Variants in ZNF280A observed in about 807,000 individuals in gnomAD.
ZNF280A encodes zinc finger protein 280A.
Under a neutral mutation model 35.9 loss-of-function variants are expected in ZNF280A, and 26 were observed. That is an observed-to-expected ratio of 0.72 (90% confidence interval 0.53 to 1.01). ZNF280A has a LOEUF of 1.01. ZNF280A is among the 50% of genes least tolerant of loss of function. The pLI is 0.00. For missense variants in ZNF280A, 654 were observed against 652.0 expected (o/e 1.00, Z -0.03); for synonymous variants, 231 against 232.9 (o/e 0.99, Z 0.07).
rs769984477 is a variant in ZNF280A, at chr22:22,515,296, T to A, written c.335A>T (p.Asp112Val). ...PVSLSEGRST[D>V]SPVTMKSSSE... is the part of the protein sequence containing the mutation. The stretch of plus-strand genomic sequence containing the variant: ...TGAAGACTTCATAGTGACAGGACTA[T>A]CTGTCGATCGCCCCTCAGACAGAGA... Residue 112 changes from aspartate to valine, a missense_variant, in exon 2 of 2, where the codon GAT (aspartate) becomes GTT (valine). Physicochemically the swap from Asp to Val is radical, Grantham distance 152. Coordinates refer to ENST00000302097, the MANE Select transcript of ZNF280A (RefSeq NM_080740.5). The A allele has an allele frequency of 6.2e-7, 1 of 1,613,782 alleles. No homozygotes were observed. The highest frequency in any genetic ancestry group is 1.3e-5 in the African/African-American group (1 of 74,874).
In ZNF280A at chr22:22,514,689, AT is replaced by A. The variant is rs1387605930; in HGVS notation, c.941del (p.Asn314IlefsTer3). The stretch of plus-strand genomic sequence containing the variant: ...CAAATTCCAAATGATGCTTCATGTG[AT>A]TCATAAACTTAATATTTTTTAGAAC... Reference protein sequence around the residue: ...VKVLKNIKFMNHMKHHLEFEK... With the variant: ...VKVLKNIKFMXHMKHHLEFEK... On this transcript the variant is annotated frameshift_variant, in exon 2 of 2. Coordinates refer to ENST00000302097, the MANE Select transcript of ZNF280A (RefSeq NM_080740.5). LOFTEE classifies it high-confidence loss of function. 2.5e-6 allele frequency: 4 copies of A among 1,613,938 alleles called. No homozygotes were observed. The South Asian group carries it at 4.4e-5, about 18-fold the overall frequency.
intron 1 of ZNF280A, among the ~76,000 whole-genome samples, chr22:22,516,075 G>T (rs28665438): frequency 6.6e-5 from 10 of 151,668 alleles, no homozygotes; most frequent in African/African-American, 2.4e-4. Context: ...TCTGCTCCTA[G>T]CCTGGGCAAC....
At position 22,514,383 on chromosome 22, in the gene ZNF280A, G is replaced by C. The variant is rs2062043858; in HGVS notation, c.1248C>G (p.Cys416Trp). The change falls in exon 2 of 2, where the codon TGC becomes TGG. Residue 416 changes from cysteine (C) to tryptophan (W), a missense_variant. Transcript: ENST00000302097. ...FADVETHFRT[C>W]HENTKNLLCL... is the part of the protein sequence containing the mutation. ...AAAGCAAATTCTTTGTGTTTTCATG[G>C]CACGTTCTAAAATGTGTTTCCACAT... The C allele has an allele frequency of 6.2e-7, 1 of 1,613,738 alleles. No homozygotes were observed. Among genetic ancestry groups the C allele is most frequent in the South Asian group, 1.1e-5 (1 of 91,068 alleles).
rs1468680683 is a variant in ZNF280A at position 22,515,397 on chromosome 22, G to C, written c.234C>G (p.His78Gln). ...PGSNSRRKKG[H>Q]FRQYPAHVSQ... ...ACACGTGAGCAGGATATTGACGGAA[G>C]TGGCCTTTCTTTCTTCTTGAATTTG... The change falls in exon 2 of 2, where the codon CAC becomes CAG. Residue 78 changes from histidine to glutamine, a missense_variant. Transcript: ENST00000302097. The C allele has an allele frequency of 1.2e-6, 2 of 1,613,862 alleles. No individual in the cohort carries two copies. The highest frequency in any genetic ancestry group is 1.7e-4 in the Middle Eastern group (1 of 6,052).
chr22:22,518,785 C>CAAAAAAAAAA (rs140976483), intron 1 of ZNF280A, among the ~76,000 whole-genome samples: 1 of 115,772 alleles, frequency 8.6e-6, no homozygotes. Flanking sequence ...GAGACTGTCT[C>CAAAAAAAAAA]AAAAAAAAAA....
At position 22,518,530 on chromosome 22, in the gene ZNF280A, T is replaced by A. The variant is rs1268670515; in HGVS notation, c.-72+1559A>T. Among the ~76,000 whole-genome samples the A allele has an allele frequency of 2.0e-5, 3 of 151,722 alleles. 1 individual carries two copies. The highest frequency in any genetic ancestry group is 7.3e-5 in the African/African-American group (3 of 41,350). On this transcript the variant is annotated intron_variant, in intron 1 of 1. Transcript: ENST00000302097. ...AGCGGGGCGCGGTGGCTCACGCCTG[T>A]AATCCCAGCACTTTTGGGAGGCCGA...
chr22:22,514,370 TTG>T lies in ZNF280A; in HGVS notation c.1259_1260del (p.Thr420LysfsTer58). The part of the protein sequence containing the change: ...ETHFRTCHEN[T>X]KNLLCLFCLK... Reference sequence around the variant, plus strand: ...AGACAAAACAGACAAAGCAAATTCTTTGTGTTTTCATGGCACGTTCTAAAATG... The same window carrying T: ...AGACAAAACAGACAAAGCAAATTCTTTGTTTTCATGGCACGTTCTAAAATG... On this transcript the variant is annotated frameshift_variant, in exon 2 of 2. Transcript: ENST00000302097. LOFTEE classifies it high-confidence loss of function. 6.2e-7 allele frequency: 1 copy of T among 1,613,912 alleles called. No individual in the cohort carries two copies. Among genetic ancestry groups the T allele is most frequent in the Non-Finnish European group, 8.5e-7 (1 of 1,179,982 alleles).
intron 1 of ZNF280A, among the ~76,000 whole-genome samples, chr22:22,519,389 C>T (rs867578439): frequency 6.6e-6 from 1 of 151,796 alleles, no homozygotes; most frequent in Admixed American, 6.6e-5. Flanking sequence ...GCCGAGATCG[C>T]ACCGTGGCAC....
rs760475447 is a variant in ZNF280A, at chr22:22,514,694, T to A, written c.937A>T (p.Met313Leu). 1 of 1,613,864 alleles carries A rather than the reference T, an allele frequency of 6.2e-7. No homozygotes were observed. Among genetic ancestry groups the A allele is most frequent in the African/African-American group, 1.3e-5 (1 of 74,890 alleles). The change falls in exon 2 of 2, where the codon ATG becomes TTG. Residue 313 changes from methionine to leucine, a missense_variant. Physicochemically the swap from Met to Leu is conservative, Grantham distance 15 (BLOSUM62 2). Coordinates refer to ENST00000302097, the MANE Select transcript of ZNF280A (RefSeq NM_080740.5). Reference protein sequence around the residue: ...CVKVLKNIKFMNHMKHHLEFE... With the variant: ...CVKVLKNIKFLNHMKHHLEFE... ...TCCAAATGATGCTTCATGTGATTCATAAACTTAATATTTTTTAGAACTTTC... is the reference window on the plus strand; with the variant it reads ...TCCAAATGATGCTTCATGTGATTCAAAAACTTAATATTTTTTAGAACTTTC...
chr22:22,517,155 C>T (rs1000873439), intron 1 of ZNF280A, among the ~76,000 whole-genome samples: 1 of 151,790 alleles, frequency 6.6e-6, no homozygotes, highest in Non-Finnish European at 1.5e-5. Context: ...ACCTGTAATC[C>T]CAACACTTTG....
In ZNF280A at chr22:22,514,791, G is replaced by A. The variant is rs142275400; in HGVS notation, c.840C>T (p.Tyr280=). The A allele has an allele frequency of 1.4e-4, 233 of 1,613,830 alleles. No homozygotes were observed. The highest frequency in any genetic ancestry group is 1.9e-4 in the Non-Finnish European group (228 of 1,179,998). The part of the protein sequence containing the change: ...ENPIVLLSDF[Y]YGQHKGDGQP... ...GCCCATCTCCTTTATGCTGTCCATA[G>A]TAAAAGTCGCTAAGTAACACGATGG... The change falls in exon 2 of 2, where the codon TAC becomes TAT. Residue 280 remains tyrosine, a synonymous_variant. Coordinates refer to ENST00000302097, the MANE Select transcript of ZNF280A (RefSeq NM_080740.5).
At position 22,519,353 on chromosome 22, in the gene ZNF280A, A is replaced by G. The variant is rs1367629247; in HGVS notation, c.-72+736T>C. Among the ~76,000 whole-genome samples the G allele has an allele frequency of 2.0e-5, 3 of 151,866 alleles. No homozygotes were observed. In the East Asian group the frequency reaches 5.9e-4, roughly 30 times the overall value. On this transcript the variant is annotated intron_variant, in intron 1 of 1. Transcript: ENST00000302097. ...GAGGCTGAGGCAGGAGAATCACTTGAACCCGGGAGGCGTGGGTTGCAGTGA... is the reference window on the plus strand; with the variant it reads ...GAGGCTGAGGCAGGAGAATCACTTGGACCCGGGAGGCGTGGGTTGCAGTGA...
chr22:22,518,448 T>A (rs2062099843), intron 1 of ZNF280A, among the ~76,000 whole-genome samples: 1 of 151,932 alleles, frequency 6.6e-6, no homozygotes, highest in African/African-American at 2.4e-5. Flanking sequence ...TTTTTTTTAT[T>A]AAGATTTTTT....
At position 22,515,537 on chromosome 22, in the gene ZNF280A, G is replaced by C. The variant is rs2062059824; in HGVS notation, c.94C>G (p.Leu32Val). 9 of 1,613,650 alleles carry C rather than the reference G, an allele frequency of 5.6e-6. No individual in the cohort carries two copies. The highest frequency in any genetic ancestry group is 5.1e-6 in the Non-Finnish European group (6 of 1,179,914). The change falls in exon 2 of 2, where the codon CTG (leucine) becomes GTG (valine). Residue 32 changes from leucine (L) to valine (V), a missense_variant. Leu to Val is a conservative substitution (Grantham distance 32). Transcript: ENST00000302097. ...ACATGCTCCACCCCAACATAGATCA[G>C]ATCTGGATCTTCATCATCCTCCTCC... ...QREEDDEDPDLIYVGVEHVHR... is the reference protein window; with the variant it reads ...QREEDDEDPDVIYVGVEHVHR...
Position 22,514,885 on chromosome 22 carries a change from G to A in ZNF280A, c.746C>T (p.Ala249Val). 6.2e-7 allele frequency: 1 copy of A among 1,613,064 alleles called. No homozygotes were observed. Among genetic ancestry groups the A allele is most frequent in the Non-Finnish European group, 8.5e-7 (1 of 1,179,794 alleles). Reference protein sequence around the residue: ...LTDPERASESALAMTDISSLA... With the variant: ...LTDPERASESVLAMTDISSLA... ...ACTTGAAATGTCTGTCATTGCCAGG[G>A]CAGACTCACTTGCTCTCTCTGGATC... Residue 249 changes from alanine (A) to valine (V), a missense_variant, in exon 2 of 2, where the codon GCC becomes GTC. By Grantham distance (64) the Ala-to-Val change is moderately conservative. Transcript: ENST00000302097.
In ZNF280A at chr22:22,513,822, T is replaced by G; in HGVS notation, c.*180A>C. ...GGATGCCCTGTTGGGAGCATTTGACTGGGAAAGGGCTCAAAGACTTTGGAG... is the reference window on the plus strand; with the variant it reads ...GGATGCCCTGTTGGGAGCATTTGACGGGGAAAGGGCTCAAAGACTTTGGAG... On this transcript the variant is annotated 3_prime_UTR_variant, in exon 2 of 2. Transcript: ENST00000302097. 1 of 542,950 alleles carries G rather than the reference T, an allele frequency of 1.8e-6. No homozygotes were observed. Among genetic ancestry groups the G allele is most frequent in the Non-Finnish European group, 3.2e-6 (1 of 310,888 alleles). The allele number at this position is 542,950 out of a possible 1,614,324, so 33.6% of individuals were successfully genotyped here.
rs1313851808 is a variant in ZNF280A, at chr22:22,515,351, T to C, written c.280A>G (p.Thr94Ala). Residue 94 changes from threonine (T) to alanine (A), a missense_variant, in exon 2 of 2, where the codon ACC becomes GCC. Thr to Ala is a moderately conservative substitution (Grantham distance 58). Transcript: ENST00000302097. ...GGCATGATGGCTTTTGCCATAGAGG[T>C]CACATGATTTGCAGGCTGCGACACG... ...AHVSQPANHV[T>A]SMAKAIMPVS... 1.2e-6 allele frequency: 2 copies of C among 1,613,686 alleles called. No homozygotes were observed. Among genetic ancestry groups the C allele is most frequent in the Non-Finnish European group, 1.7e-6 (2 of 1,179,950 alleles).
intron 1 of ZNF280A, among the ~76,000 whole-genome samples, chr22:22,517,876 T>TAAAAAAAAA (rs362029): frequency 4.7e-5 from 6 of 127,918 alleles, no homozygotes; most frequent in African/African-American, 1.5e-4. Context: ...ACATCTGATG[T>TAAAAAAAAA]AAAAAAAAAA....
chr22:22,516,911 CA>C (rs1316518026), intron 1 of ZNF280A, among the ~76,000 whole-genome samples: 4 of 151,910 alleles, frequency 2.6e-5, no homozygotes, highest in Admixed American at 6.6e-5. Flanking sequence ...TACCTGACCA[CA>C]ATATCAAAAA....
Sources: gnomAD v4.1 joint callset for allele counts (sites outside exome capture counted in the v4.1 genomes callset) on GRCh38, gnomAD v4.1.1 for gene constraint, MANE v1.5 for transcripts, NCBI Gene and HGNC (gene_info 2026-07-23, HGNC 2026-07-21) for gene names.